GRM1: variants seen among roughly 807,000 people sequenced by gnomAD.
GRM1 encodes the protein metabotropic glutamate receptor 1.
Under a neutral mutation model 90.9 loss-of-function variants are expected in GRM1, and 33 were observed. The observed-to-expected ratio is 0.36, with a 90% CI of 0.28 to 0.49. GRM1 has a LOEUF of 0.49. Among genes scored for constraint, GRM1 ranks in the 20% least tolerant of loss-of-function variants. The pLI is 0.99. For synonymous variants in GRM1, 700 were observed against 613.2 expected, an observed-to-expected ratio of 1.14 and a Z score of -2.09; for missense variants, 1,190 against 1,534.3, an observed-to-expected ratio of 0.78 and a Z score of 3.75.
At chr6:146,237,823 G>A (rs1780707286) in intron 2 of GRM1, among the ~76,000 whole-genome samples, 1 of 152,110 alleles carries the variant, frequency 6.6e-6, no homozygotes, top group Non-Finnish European at 1.5e-5. Context: ...GGGTATTCAG[G>A]GTTGATCCAA....
intron 1 of GRM1, among the ~76,000 whole-genome samples, chr6:146,104,630 A>T (rs893521094): frequency 6.6e-6 from 1 of 152,142 alleles, no homozygotes; most frequent in Non-Finnish European, 1.5e-5. Flanking sequence ...GAGAGTAGAG[A>T]ATTTCCGAAA....
chr6:146,182,805 T>C (rs1351899564), intron 2 of GRM1, among the ~76,000 whole-genome samples: 14 of 152,154 alleles, frequency 9.2e-5, no homozygotes, highest in African/African-American at 3.4e-4. Context: ...ATGTTTTCTT[T>C]GAATAGAGAC....
intron 2 of GRM1, among the ~76,000 whole-genome samples, chr6:146,235,895 T>G (rs1468425491): frequency 6.6e-6 from 1 of 152,134 alleles, no homozygotes; most frequent in Non-Finnish European, 1.5e-5. Flanking sequence ...TCCTGTTGGA[T>G]AGTGACAACA....
At chr6:146,195,215 G>GA in intron 2 of GRM1, among the ~76,000 whole-genome samples, 1 of 152,266 alleles carries the variant, frequency 6.6e-6, no homozygotes, top group Admixed American at 6.5e-5. Context: ...GAAAGCTTAA[G>GA]AAATATAAGA....
At chr6:146,293,946 CATT>C (rs1304614470) in intron 2 of GRM1, among the ~76,000 whole-genome samples, 2 of 151,086 alleles carry the variant, frequency 1.3e-5, no homozygotes, top group Admixed American at 6.6e-5. Context: ...TCTGAAGTTA[CATT>C]ATATTTTAAT....
chr6:146,097,712 T>G (rs373320696), intron 1 of GRM1, among the ~76,000 whole-genome samples: 48 of 152,358 alleles, frequency 3.2e-4, no homozygotes, highest in African/African-American at 1.1e-3. Context: ...ACTTCTGTCC[T>G]CTGCTATCGC....
chr6:146,226,630 T>C (rs747544310), intron 2 of GRM1, among the ~76,000 whole-genome samples: 5 of 152,184 alleles, frequency 3.3e-5, no homozygotes, highest in Non-Finnish European at 7.3e-5. Flanking sequence ...GGCATGTGAG[T>C]GGTCTTAATT....
intron 6 of GRM1, among the ~76,000 whole-genome samples, chr6:146,396,216 C>G (rs1776928874): frequency 6.6e-6 from 1 of 151,838 alleles, no homozygotes; most frequent in Non-Finnish European, 1.5e-5. Flanking sequence ...TAAGTTCTTC[C>G]AGAAAAAGGT....
At chr6:146,149,697 G>T (rs1266460632) in intron 1 of GRM1, among the ~76,000 whole-genome samples, 1 of 152,088 alleles carries the variant, frequency 6.6e-6, no homozygotes, top group Non-Finnish European at 1.5e-5. Context: ...GGCACAATGG[G>T]AACACGATGC....
In GRM1 at chr6:146,115,247, C is replaced by CACACACAT. The variant is rs1554268353; in HGVS notation, c.701-44100_701-44099insCACACATA. On this transcript the variant is annotated intron_variant, in intron 1 of 7. Coordinates refer to ENST00000282753, the MANE Select transcript of GRM1 (RefSeq NM_001278064.2). ...ACACACACACACACACACACACACA[C>CACACACAT]ATATATATACATATACTATACATGT... 3.5e-3 allele frequency among the ~76,000 whole-genome samples: 471 copies of CACACACAT among 133,016 alleles called. 9 individuals are homozygous for CACACACAT. The East Asian group carries it at 0.067, about 19-fold the overall frequency. 87.3% of individuals were successfully genotyped at this position (133,016 alleles called of 152,430 possible). A position where few individuals can be genotyped will look rare whatever the true frequency, so the allele number is the denominator to read the frequency against.
intron 1 of GRM1, among the ~76,000 whole-genome samples, chr6:146,054,334 C>G (rs976750065): frequency 1.3e-5 from 2 of 152,022 alleles, no homozygotes; most frequent in Admixed American, 6.6e-5. Flanking sequence ...AAATGGAAAA[C>G]AAGCATCATA....
At chr6:146,093,145 T>C (rs1261927867) in intron 1 of GRM1, among the ~76,000 whole-genome samples, 1 of 152,108 alleles carries the variant, frequency 6.6e-6, no homozygotes. Flanking sequence ...GTTATTCCCA[T>C]ACCAATAAAT....
chr6:146,198,253 G>A (rs912896064), intron 2 of GRM1, among the ~76,000 whole-genome samples: 7 of 152,176 alleles, frequency 4.6e-5, no homozygotes, highest in Non-Finnish European at 8.8e-5. Flanking sequence ...GAGGCATCTG[G>A]CGGAGTCTAT....
intron 1 of GRM1, among the ~76,000 whole-genome samples, chr6:146,141,970 T>C (rs1776894638): frequency 6.6e-6 from 1 of 152,216 alleles, no homozygotes. Context: ...GGCTGGATAT[T>C]GAAGAGTTAG....
At chr6:146,183,394 G>A (rs1778617370) in intron 2 of GRM1, among the ~76,000 whole-genome samples, 1 of 152,136 alleles carries the variant, frequency 6.6e-6, no homozygotes, top group African/African-American at 2.4e-5. Flanking sequence ...TTAACAATAG[G>A]AGAATAAATT....
intron 3 of GRM1, among the ~76,000 whole-genome samples, chr6:146,348,186 G>A (rs1416351381): frequency 6.6e-6 from 1 of 152,116 alleles, no homozygotes; most frequent in Non-Finnish European, 1.5e-5. Flanking sequence ...TAAACCCCAG[G>A]AAGCCAAAGT....
At chr6:146,418,714 C>A (rs1156609928) in intron 7 of GRM1, among the ~76,000 whole-genome samples, 3 of 152,026 alleles carry the variant, frequency 2.0e-5, no homozygotes, top group African/African-American at 7.2e-5. Context: ...TGCTAATATT[C>A]ATACTTGGAA....
intron 3 of GRM1, among the ~76,000 whole-genome samples, chr6:146,309,281 C>A (rs143090339): frequency 1.3e-5 from 2 of 151,888 alleles, no homozygotes; most frequent in African/African-American, 4.8e-5. Flanking sequence ...TGCCTATAAT[C>A]CTAGCTACTC....
intron 1 of GRM1, among the ~76,000 whole-genome samples, chr6:146,075,239 TAGAA>T (rs1776145388): frequency 6.6e-6 from 1 of 152,172 alleles, no homozygotes; most frequent in African/African-American, 2.4e-5. Flanking sequence ...CAATTATTGT[TAGAA>T]AGCCCAGTGT....
Sources: allele counts gnomAD v4.1 joint callset (sites outside exome capture counted in the v4.1 genomes callset), GRCh38; gene constraint gnomAD v4.1.1; transcripts MANE v1.5; gene names NCBI Gene and HGNC (gene_info 2026-07-23, HGNC 2026-07-21).